GAPDH: variants seen among roughly 807,000 people sequenced by gnomAD.
GAPDH encodes OCAS, p38 component.
In GAPDH, 13 loss-of-function variants were observed where a neutral mutation model predicts 31.2. The ratio of observed to expected loss-of-function variants is 0.42; its 90% CI spans 0.27 to 0.66. GAPDH has a LOEUF of 0.66. Among genes scored for constraint, GAPDH ranks in the 30% least tolerant of loss-of-function variants. The pLI is 0.26. For synonymous variants in GAPDH, 211 were observed against 166.9 expected, an observed-to-expected ratio of 1.26 and a Z score of -2.04; for missense variants, 300 against 443.7, an observed-to-expected ratio of 0.68 and a Z score of 2.91.
intron 1 of GAPDH, 67 bp downstream of exon 1, chr12:6,534,636 G>C: frequency 1.5e-6 from 1 of 648,532 alleles, no homozygotes; most frequent in Non-Finnish European, 2.7e-6. Flanking sequence ...GCGGGCGCAG[G>C]CCGGATGTGT....
intron 2 of GAPDH, among the ~76,000 whole-genome samples, chr12:6,535,624 C>G (rs1946446669): frequency 6.6e-6 from 1 of 152,156 alleles, no homozygotes; most frequent in Non-Finnish European, 1.5e-5. Flanking sequence ...GTGGTGGCCC[C>G]TTCCTGCAGC....
Position 6,537,473 on chromosome 12 carries a change from C to T in GAPDH, c.525+83C>T, listed in dbSNP as rs536278151. 7 of 1,585,362 alleles carry T rather than the reference C, an allele frequency of 4.4e-6. No homozygotes were observed. Among genetic ancestry groups the T allele is most frequent in the African/African-American group, 2.7e-5 (2 of 74,396 alleles). On this transcript the variant is annotated intron_variant, in intron 7 of 8. Transcript: ENST00000229239. The surrounding 1 kb of genome is among the most constrained non-coding windows in gnomAD (Gnocchi z 4.9). ...CTCCCTGCCGGGGCTGCGTGCAACCCTGGGGTTGGGGGTTCTGGGGACTGG... is the reference window on the plus strand; with the variant it reads ...CTCCCTGCCGGGGCTGCGTGCAACCTTGGGGTTGGGGGTTCTGGGGACTGG...
chr12:6,537,245 G>C lies in GAPDH; in HGVS notation c.443+29G>C, dbSNP rs762430400. 3.9e-5 allele frequency: 62 copies of C among 1,597,146 alleles called. No individual in the cohort carries two copies. Among genetic ancestry groups the C allele is most frequent in the Admixed American group, 2.0e-4 (11 of 55,888 alleles). ...AGGAAGGCAGGGCCCGTGGAGAAGC[G>C]GCCAGCCTGGCACCCTATGGACACG... On this transcript the variant is annotated intron_variant, in intron 6 of 8. Transcript: ENST00000229239. This position sits in a 1 kb window ranked among gnomAD's most constrained non-coding sequence, Gnocchi z 4.9.
rs370327493 is a variant in GAPDH at position 6,536,316 on chromosome 12, G to A, written c.30-178G>A. Among the ~76,000 whole-genome samples, 39 of 152,316 alleles carry A rather than the reference G, an allele frequency of 2.6e-4. 1 individual carries two copies. The highest frequency in any genetic ancestry group is 3.4e-3 in the Middle Eastern group (1 of 294). ...CCCTGGAGCCTTCAGTTGCAGCCAT[G>A]CCTTAAGCCAGGCCAGCCTGGCAGG... On this transcript the variant is annotated intron_variant, in intron 2 of 8. Coordinates refer to ENST00000229239, the MANE Select transcript of GAPDH (RefSeq NM_002046.7).
Position 6,536,485 on chromosome 12 carries a change from G to C in GAPDH, c.30-9G>C. ...CCCTCCTCATGCCTTCTTGCCTCTT[G>C]TCTCTTAGATTTGGTCGTATTGGGC... On this transcript the variant is annotated splice_polypyrimidine_tract_variant and intron_variant, in intron 2 of 8. Coordinates refer to ENST00000229239, the MANE Select transcript of GAPDH (RefSeq NM_002046.7). 6.2e-7 allele frequency: 1 copy of C among 1,607,628 alleles called. No homozygotes were observed. The highest frequency in any genetic ancestry group is 1.3e-5 in the African/African-American group (1 of 74,924).
chr12:6,536,541 G>C lies in GAPDH; in HGVS notation c.77G>C (p.Gly26Ala). The C allele has an allele frequency of 6.2e-7, 1 of 1,613,860 alleles. No homozygotes were observed. Among genetic ancestry groups the C allele is most frequent in the Non-Finnish European group, 8.5e-7 (1 of 1,180,012 alleles). The change falls in exon 3 of 9, where the codon GGT (glycine) becomes GCT (alanine). Residue 26 changes from glycine to alanine, a missense_variant. Gly to Ala is a moderately conservative substitution (Grantham distance 60). Transcript: ENST00000229239. ...RLVTRAAFNS[G>A]KVDIVAINDP... is the part of the protein sequence containing the mutation. ...GTCACCAGGGCTGCTTTTAACTCTGGTAAAGTGGATATTGTTGCCATCAAT... is the reference window on the plus strand; with the variant it reads ...GTCACCAGGGCTGCTTTTAACTCTGCTAAAGTGGATATTGTTGCCATCAAT...
rs1357480844 is a variant in GAPDH at position 6,536,978 on chromosome 12, A to G, written c.295A>G (p.Thr99Ala). 1.2e-6 allele frequency: 2 copies of G among 1,613,656 alleles called. No individual in the cohort carries two copies. Among genetic ancestry groups the G allele is most frequent in the Non-Finnish European group, 1.7e-6 (2 of 1,179,890 alleles). ...TGGCGCTGAGTACGTCGTGGAGTCC[A>G]CTGGCGTCTTCACCACCATGGAGAA... ...DAGAEYVVESTGVFTTMEKAG... is the reference protein window; with the variant it reads ...DAGAEYVVESAGVFTTMEKAG... The change falls in exon 5 of 9, where the codon ACT becomes GCT. Residue 99 changes from threonine to alanine, a missense_variant. Physicochemically the swap from Thr to Ala is moderately conservative, Grantham distance 58. Coordinates refer to ENST00000229239, the MANE Select transcript of GAPDH (RefSeq NM_002046.7).
chr12:6,534,997 C>T (rs1565551522), intron 2 of GAPDH, 136 bp downstream of exon 2: 2 of 1,048,968 alleles, frequency 1.9e-6, no homozygotes. Context: ...TCAAGGTCAG[C>T]GCTCGGACCT....
In GAPDH at chr12:6,537,535, T is replaced by G; in HGVS notation, c.526-49T>G. 1 of 1,590,334 alleles carries G rather than the reference T, an allele frequency of 6.3e-7. No homozygotes were observed. Among genetic ancestry groups the G allele is most frequent in the South Asian group, 1.1e-5 (1 of 87,654 alleles). On this transcript the variant is annotated intron_variant, in intron 7 of 8. Coordinates refer to ENST00000229239, the MANE Select transcript of GAPDH (RefSeq NM_002046.7). The surrounding 1 kb of genome is among the most constrained non-coding windows in gnomAD (Gnocchi z 4.9). Reference sequence around the variant, plus strand: ...TTTCCTTTCAAGGTGGGGAGGGAGGTAGAGGGGTGATGTGGGGAGTACGCT... The same window carrying G: ...TTTCCTTTCAAGGTGGGGAGGGAGGGAGAGGGGTGATGTGGGGAGTACGCT...
At position 6,534,853 on chromosome 12, in the gene GAPDH, A is replaced by C. The variant is rs771409071; in HGVS notation, c.21A>C (p.Gly7=). 5.6e-6 allele frequency: 9 copies of C among 1,613,284 alleles called. No individual in the cohort carries two copies. Among genetic ancestry groups the C allele is most frequent in the African/African-American group, 2.7e-5 (2 of 74,856 alleles). The change falls in exon 2 of 9, where the codon GGA becomes GGC. Residue 7 remains glycine, a synonymous_variant. Transcript: ENST00000229239. The part of the protein sequence containing the change: MGKVKV[G]VNGFGRIGRL... ...ACACCATGGGGAAGGTGAAGGTCGG[A>C]GTCAACGGGTGAGTTCGCGGGTGGC...
intron 2 of GAPDH, 55 bp from the exon 3 acceptor site, chr12:6,536,439 C>T: frequency 7.5e-7 from 1 of 1,325,298 alleles, no homozygotes; most frequent in Non-Finnish European, 1.1e-6. Context: ...TAGGGCTGCT[C>T]ACATATTCTG....
chr12:6,534,746 G>A lies in GAPDH; in HGVS notation c.-23-64G>A, dbSNP rs1005051174. On this transcript the variant is annotated intron_variant, in intron 1 of 8. Coordinates refer to ENST00000229239, the MANE Select transcript of GAPDH (RefSeq NM_002046.7). ...TGGGCATGGAGGCCTGGTGGGGGAG[G>A]GGAGGGGAGGCGTGTGTGTCGGCCG... 278 of 1,401,090 alleles carry A rather than the reference G, an allele frequency of 2.0e-4. No homozygotes were observed. The Middle Eastern group carries it at 2.1e-3, about 11-fold the overall frequency. The allele number at this position is 1,401,090 out of a possible 1,614,324, so 86.8% of individuals were successfully genotyped here.
Position 6,534,678 on chromosome 12 carries a change from T to A in GAPDH, c.-24+109T>A, listed in dbSNP as rs371892266. 127 of 837,390 alleles carry A rather than the reference T, an allele frequency of 1.5e-4. 1 individual carries two copies. In the East Asian group the frequency reaches 2.0e-3, roughly 13 times the overall value. 51.9% of individuals were successfully genotyped at this position (837,390 alleles called of 1,614,324 possible). On this transcript the variant is annotated intron_variant, in intron 1 of 8. Transcript: ENST00000229239. ...CGCTGCGGGGTGGGCCCGGGCGGCC[T>A]CCGCATTGCAGGGGCGGGCGGAGGA...
chr12:6,538,060 G>A lies in GAPDH; in HGVS notation c.939-41G>A, dbSNP rs375954493. The A allele has an allele frequency of 9.4e-6, 15 of 1,599,518 alleles. No individual in the cohort carries two copies. In the African/African-American group the frequency reaches 1.9e-4, roughly 20 times the overall value. On this transcript the variant is annotated intron_variant, in intron 8 of 8. Coordinates refer to ENST00000229239, the MANE Select transcript of GAPDH (RefSeq NM_002046.7). ...CAGGGTCTGGCGCCCTCTGGTGGCT[G>A]GCTCAGAAAAAGGGCCCTGACAACT...
At chr12:6,534,717 G>A (rs1946418894) in intron 1 of GAPDH, 93 bp from the exon 2 acceptor site, 7 of 1,114,974 alleles carry the variant, frequency 6.3e-6, no homozygotes, top group East Asian at 2.5e-5. Flanking sequence ...GATGCGGCGC[G>A]GGCTGGGCAT....
At position 6,537,012 on chromosome 12, in the gene GAPDH, T is replaced by G. The variant is rs755563954; in HGVS notation, c.327+2T>G. On this transcript the variant is annotated splice_donor_variant, in intron 5 of 8. Coordinates refer to ENST00000229239, the MANE Select transcript of GAPDH (RefSeq NM_002046.7). LOFTEE classifies it high-confidence loss of function. This position sits in a 1 kb window ranked among gnomAD's most constrained non-coding sequence, Gnocchi z 4.9. Reference sequence around the variant, plus strand: ...TTCACCACCATGGAGAAGGCTGGGGTGAGTGCAGGAGGGCCCGCGGGAGGG... The same window carrying G: ...TTCACCACCATGGAGAAGGCTGGGGGGAGTGCAGGAGGGCCCGCGGGAGGG... 6.2e-7 allele frequency: 1 copy of G among 1,605,238 alleles called. No individual in the cohort carries two copies. Among genetic ancestry groups the G allele is most frequent in the Non-Finnish European group, 8.5e-7 (1 of 1,179,102 alleles).
rs11549319 is a variant in GAPDH at position 6,538,264 on chromosome 12, C to T, written c.*94C>T. The T allele has an allele frequency of 3.0e-6, 3 of 1,012,018 alleles. No homozygotes were observed. Among genetic ancestry groups the T allele is most frequent in the African/African-American group, 3.2e-5 (2 of 62,800 alleles). 62.7% of individuals were successfully genotyped at this position (1,012,018 alleles called of 1,614,324 possible). A position where few individuals can be genotyped will look rare whatever the true frequency, so the allele number is the denominator to read the frequency against. Reference sequence around the variant, plus strand: ...CTGCCACACTCAGTCCCCCACCACACTGAATCTCCCCTCCTCACAGTTGCC... The same window carrying T: ...CTGCCACACTCAGTCCCCCACCACATTGAATCTCCCCTCCTCACAGTTGCC... On this transcript the variant is annotated 3_prime_UTR_variant, in exon 9 of 9. Coordinates refer to ENST00000229239, the MANE Select transcript of GAPDH (RefSeq NM_002046.7).
intron 4 of GAPDH, 37 bp downstream of exon 4, chr12:6,536,827 G>A: frequency 6.3e-7 from 1 of 1,597,272 alleles, no homozygotes. Context: ...TGTGCTTTGG[G>A]GAGGCAACTA....
intron 2 of GAPDH, chr12:6,535,286 A>G (rs750034352): frequency 3.0e-6 from 3 of 1,011,210 alleles, no homozygotes; most frequent in Non-Finnish European, 3.5e-6. Flanking sequence ...CGCCTGCGGT[A>G]GAGCGGCCGC....
Sources: gnomAD v4.1 joint callset for allele counts (sites outside exome capture counted in the v4.1 genomes callset) on GRCh38, gnomAD v4.1.1 for gene constraint, Gnocchi (gnomAD v3.1) non-coding constraint, MANE v1.5 for transcripts, NCBI Gene and HGNC (gene_info 2026-07-23, HGNC 2026-07-21) for gene names.